The following TMEM132B variants were observed in gnomAD, a reference collection of about 807,000 sequenced individuals.
The protein encoded by TMEM132B is transmembrane protein 132B.
TMEM132B carries 18 observed loss-of-function variants against 90.8 expected under a neutral mutation model. That is an observed-to-expected ratio of 0.20 (90% CI 0.14 to 0.29). TMEM132B has a LOEUF of 0.29. Ranked by LOEUF, TMEM132B falls within the 10% of genes least tolerant of loss-of-function variation. The pLI is 1.00. For missense variants in TMEM132B, 1,096 were observed against 1,326.8 expected, an observed-to-expected ratio of 0.83 and a Z score of 2.70; for synonymous variants, 504 against 523.3, an observed-to-expected ratio of 0.96 and a Z score of 0.50.
At chr12:125,377,279 C>G (rs1878522965) in intron 2 of TMEM132B, among the ~76,000 whole-genome samples, 1 of 152,152 alleles carries the variant, frequency 6.6e-6, no homozygotes, top group Non-Finnish European at 1.5e-5. Context: ...ACAGCAGGGA[C>G]TTATCCTGAA....
intron 3 of TMEM132B, among the ~76,000 whole-genome samples, chr12:125,478,247 A>T (rs185615154): frequency 5.4e-4 from 83 of 152,340 alleles, no homozygotes; most frequent in Admixed American, 7.2e-4. Flanking sequence ...CAATGGAACA[A>T]AGCAGGATGG....
intron 3 of TMEM132B, among the ~76,000 whole-genome samples, chr12:125,466,977 C>G (rs139891227): frequency 1.3e-5 from 2 of 152,154 alleles, no homozygotes; most frequent in African/African-American, 4.8e-5. Flanking sequence ...ACACTGTTCG[C>G]GATGGATCAA....
At chr12:125,602,831 G>C (rs908858294) in intron 5 of TMEM132B, among the ~76,000 whole-genome samples, 1 of 152,004 alleles carries the variant, frequency 6.6e-6, no homozygotes, top group African/African-American at 2.4e-5. Context: ...AATAGACAGA[G>C]AGCCAAATCA....
At chr12:125,610,705 A>G (rs1885804480) in intron 5 of TMEM132B, among the ~76,000 whole-genome samples, 2 of 152,086 alleles carry the variant, frequency 1.3e-5, no homozygotes, top group Non-Finnish European at 2.9e-5. Context: ...ACCAATGACA[A>G]TGCAATGGGA....
intron 1 of TMEM132B, among the ~76,000 whole-genome samples, chr12:125,269,034 T>C (rs1431324084): frequency 1.3e-5 from 2 of 152,256 alleles, no homozygotes; most frequent in Non-Finnish European, 2.9e-5. Context: ...ATATAGTTAA[T>C]TGGGTTTCTT....
chr12:125,259,074 G>GA (rs1251738884), intron 1 of TMEM132B, among the ~76,000 whole-genome samples: 3 of 152,076 alleles, frequency 2.0e-5, no homozygotes, highest in Admixed American at 6.5e-5. Flanking sequence ...CAAGAAGAGG[G>GA]AAAAAAATGA....
chr12:125,487,236 T>C (rs936975574), intron 3 of TMEM132B, among the ~76,000 whole-genome samples: 1 of 152,216 alleles, frequency 6.6e-6, no homozygotes, highest in Non-Finnish European at 1.5e-5. Context: ...GAAGGCTGTC[T>C]TGGAAAATGG....
intron 3 of TMEM132B, among the ~76,000 whole-genome samples, chr12:125,423,223 T>C (rs1880218337): frequency 6.6e-6 from 1 of 152,202 alleles, no homozygotes; most frequent in Non-Finnish European, 1.5e-5. Context: ...TTTAAACGAT[T>C]TTAGGATTTG....
intron 1 of TMEM132B, among the ~76,000 whole-genome samples, chr12:125,310,416 G>C (rs1160117395): frequency 6.6e-6 from 1 of 152,214 alleles, no homozygotes; most frequent in East Asian, 1.9e-4. Flanking sequence ...TGTCTCCTTA[G>C]ATCCCCACTA....
At chr12:125,262,079 C>T (rs1487930201) in intron 1 of TMEM132B, among the ~76,000 whole-genome samples, 1 of 152,012 alleles carries the variant, frequency 6.6e-6, no homozygotes, top group East Asian at 1.9e-4. Flanking sequence ...CAAGGCTAAA[C>T]TTGGCATTAA....
chr12:125,225,276 C>T (rs117314226), intron 1 of TMEM132B, among the ~76,000 whole-genome samples: 5,469 of 152,276 alleles, frequency 0.036, 126 homozygotes, highest in Non-Finnish European at 0.049. Context: ...TTACTGGCCA[C>T]GTAAGCAGGA....
At chr12:125,384,888 G>A (rs1230401924) in intron 2 of TMEM132B, among the ~76,000 whole-genome samples, 2 of 152,166 alleles carry the variant, frequency 1.3e-5, no homozygotes, top group African/African-American at 4.8e-5. Flanking sequence ...CAGACCTCAG[G>A]TGATCCACCT....
At chr12:125,554,149 C>A (rs1001212230) in intron 4 of TMEM132B, among the ~76,000 whole-genome samples, 23 of 151,952 alleles carry the variant, frequency 1.5e-4, no homozygotes, top group African/African-American at 5.6e-4. Context: ...GTAGGCCGGG[C>A]GCGGTGGCTC....
At chr12:125,643,071 G>T (rs1302265141) in intron 5 of TMEM132B, among the ~76,000 whole-genome samples, 2 of 152,112 alleles carry the variant, frequency 1.3e-5, no homozygotes, top group Non-Finnish European at 2.9e-5. Context: ...ATAGGCAGTT[G>T]GGCACGTGTG....
rs1566034772 is a variant in TMEM132B at position 125,432,485 on chromosome 12, ATGTATGTG to A, written c.1106+16810_1106+16817del. The stretch of plus-strand genomic sequence containing the variant: ...TGTATATATATGTATGTGTATATAT[ATGTATGTG>A]TATATATATGTGTGTGTGTATATAT... On this transcript the variant is annotated intron_variant, in intron 3 of 8. Coordinates refer to ENST00000682704, the MANE Select transcript of TMEM132B (RefSeq NM_001366854.1). Among the ~76,000 whole-genome samples the A allele has an allele frequency of 1.9e-4, 15 of 78,262 alleles. 2 individuals carry two copies. Among genetic ancestry groups the A allele is most frequent in the East Asian group, 6.7e-4 (2 of 2,980 alleles). The allele number at this position is 78,262 out of a possible 152,430, so 51.3% of individuals were successfully genotyped here. A position where few individuals can be genotyped will look rare whatever the true frequency, so the allele number is the denominator to read the frequency against.
intron 5 of TMEM132B, among the ~76,000 whole-genome samples, chr12:125,594,034 A>G (rs374362221): frequency 9.7e-4 from 147 of 152,272 alleles, no homozygotes; most frequent in African/African-American, 3.1e-3. Flanking sequence ...AACTTTCTTC[A>G]TGTCCCTTTA....
chr12:125,228,875 T>G (rs1226141670), intron 1 of TMEM132B, among the ~76,000 whole-genome samples: 1 of 152,156 alleles, frequency 6.6e-6, no homozygotes, highest in African/African-American at 2.4e-5. Flanking sequence ...GCCCATGAGA[T>G]AGAAGAGCCT....
chr12:125,573,341 A>G (rs1445790840), intron 4 of TMEM132B, among the ~76,000 whole-genome samples: 2 of 152,056 alleles, frequency 1.3e-5, no homozygotes, highest in Non-Finnish European at 2.9e-5. Flanking sequence ...AGTTCACTCT[A>G]ACTCCTTCTC....
At chr12:125,620,082 A>T (rs74762963) in intron 5 of TMEM132B, among the ~76,000 whole-genome samples, 1 of 152,316 alleles carries the variant, frequency 6.6e-6, no homozygotes, top group South Asian at 2.1e-4. Context: ...TATAAATCAT[A>T]GTTGCGATGT....
Sources: gnomAD v4.1 joint callset for allele counts (sites outside exome capture counted in the v4.1 genomes callset) on GRCh38, gnomAD v4.1.1 for gene constraint, MANE v1.5 for transcripts, NCBI Gene and HGNC (gene_info 2026-07-23, HGNC 2026-07-21) for gene names.